The following TEX11 variants were observed in gnomAD, a reference collection of about 807,000 sequenced individuals.
TEX11 encodes the protein testis-expressed protein 11.
A neutral mutation model predicts 84.4 loss-of-function variants in TEX11; 7 were observed. The ratio of observed to expected loss-of-function variants is 0.08; its 90% confidence interval spans 0.05 to 0.16. The LOEUF (loss-of-function observed/expected upper bound fraction) is 0.16. Ranked by LOEUF, TEX11 falls within the 10% of genes least tolerant of loss-of-function variation. The pLI is 1.00. For synonymous variants in TEX11, 264 were observed against 222.8 expected (o/e 1.18, Z -1.64); for missense variants, 551 against 660.5 (o/e 0.83, Z 1.82).
downstream of TEX11, among the ~76,000 whole-genome samples, chrX:70,528,317 G>T (rs2087841849): frequency 9.0e-6 from 1 of 110,940 alleles, no homozygotes; most frequent in African/African-American, 3.3e-5. Context: ...CATGGGATAA[G>T]TTCCTTTTTT....
chrX:70,655,979 A>T (rs2089860758), intron 16 of TEX11, among the ~76,000 whole-genome samples: 1 of 111,586 alleles, frequency 9.0e-6, no homozygotes, highest in Non-Finnish European at 1.9e-5. Flanking sequence ...ACAAAATAAG[A>T]CAAGAAATAT....
At chrX:70,629,987 A>T (rs1196236709) in intron 17 of TEX11, among the ~76,000 whole-genome samples, 2 of 112,201 alleles carry the variant, frequency 1.8e-5, no homozygotes, top group Non-Finnish European at 3.8e-5. Flanking sequence ...AAACAAATAC[A>T]CATAAGGATG....
intron 25 of TEX11, among the ~76,000 whole-genome samples, chrX:70,577,297 T>C (rs776262577): frequency 9.0e-6 from 1 of 111,647 alleles, no homozygotes; most frequent in South Asian, 3.7e-4. Flanking sequence ...AGATGGAGAA[T>C]TCTTACCAGA....
intron 2 of TEX11, 82 bp downstream of exon 2, chrX:70,907,671 C>G: frequency 1.3e-6 from 1 of 773,839 alleles, no homozygotes; most frequent in Non-Finnish European, 2.0e-6. Context: ...AGATTACAGG[C>G]GTGAGCCACC....
chrX:70,660,105 T>C (rs1054977348), intron 16 of TEX11, among the ~76,000 whole-genome samples: 1 of 111,649 alleles, frequency 9.0e-6, no homozygotes, highest in Admixed American at 9.5e-5. Context: ...ACAGTAAATA[T>C]AGGGTATAAA....
intron 15 of TEX11, chrX:70,673,461 T>C (rs1222713095): frequency 8.9e-6 from 1 of 111,942 alleles, no homozygotes; most frequent in Non-Finnish European, 1.9e-5. Flanking sequence ...TTAACATCCT[T>C]GTCTTTAGTC....
intron 9 of TEX11, among the ~76,000 whole-genome samples, chrX:70,792,160 C>T (rs1183525038): frequency 5.2e-5 from 5 of 95,419 alleles, no homozygotes; most frequent in East Asian, 3.3e-4. Context: ...GCATGGTACA[C>T]GCCTGTAGTT....
intron 21 of TEX11, among the ~76,000 whole-genome samples, chrX:70,609,811 T>C (rs1027578756): frequency 2.7e-5 from 3 of 110,879 alleles, no homozygotes; most frequent in Non-Finnish European, 5.7e-5. Context: ...AAGAGGTACA[T>C]GGACAGTAAA....
At chrX:70,707,421 C>T (rs2090386389) in intron 13 of TEX11, among the ~76,000 whole-genome samples, 1 of 110,954 alleles carries the variant, frequency 9.0e-6, no homozygotes, top group African/African-American at 3.3e-5. Context: ...TGTCCCCACA[C>T]CTGCCTTGTG....
intron 9 of TEX11, among the ~76,000 whole-genome samples, chrX:70,783,591 A>G (rs1237743759): frequency 1.8e-5 from 2 of 111,938 alleles, no homozygotes; most frequent in Non-Finnish European, 3.8e-5. Flanking sequence ...AGACTAACAA[A>G]GAAGAAAAGA....
chrX:70,609,030 T>C lies in TEX11; in HGVS notation c.1879+61A>G, dbSNP rs1052888251. ...CAAATGAAAGATCCAGAATTTGAAA[T>C]CACATCTGTCTAATTCCACCACCCC... On this transcript the variant is annotated intron_variant, in intron 22 of 29. Transcript: ENST00000374333. 12 of 925,666 alleles carry C rather than the reference T, an allele frequency of 1.3e-5. No homozygotes were observed. In the African/African-American group the frequency reaches 2.0e-4, roughly 15 times the overall value. 76.3% of individuals were successfully genotyped at this position (925,666 alleles called of 1,213,427 possible).
At chrX:70,867,739 G>A (rs1265448336) in intron 4 of TEX11, among the ~76,000 whole-genome samples, 4 of 110,475 alleles carry the variant, frequency 3.6e-5, no homozygotes, top group East Asian at 5.7e-4. Context: ...ACAACCATTC[G>A]ATCTTCAACA....
At chrX:70,904,343 T>A (rs924178604) in intron 2 of TEX11, among the ~76,000 whole-genome samples, 2 of 111,117 alleles carry the variant, frequency 1.8e-5, no homozygotes, top group Admixed American at 9.7e-5. Flanking sequence ...ATCAGGAAAA[T>A]ATAAGTCAAA....
chrX:70,815,355 GTTAATACAT>G (rs2091280248), intron 8 of TEX11, among the ~76,000 whole-genome samples: 1 of 111,377 alleles, frequency 9.0e-6, no homozygotes, highest in Non-Finnish European at 1.9e-5. Context: ...AGTTATTCCA[GTTAATACAT>G]TTATTACTAT....
intron 11 of TEX11, among the ~76,000 whole-genome samples, chrX:70,727,461 C>A (rs190795220): frequency 2.8e-4 from 31 of 112,020 alleles, no homozygotes; most frequent in African/African-American, 8.1e-4. Flanking sequence ...ATTATTGCCA[C>A]ATAAAAAGCC....
At chrX:70,636,254 C>G (rs1399368511) in intron 17 of TEX11, among the ~76,000 whole-genome samples, 1 of 110,967 alleles carries the variant, frequency 9.0e-6, no homozygotes, top group Non-Finnish European at 1.9e-5. Flanking sequence ...CCAACAATCC[C>G]AGGCTTCAAG....
At chrX:70,810,998 C>T (rs372424953) in intron 8 of TEX11, among the ~76,000 whole-genome samples, 17 of 111,362 alleles carry the variant, frequency 1.5e-4, no homozygotes, top group African/African-American at 4.2e-4. Context: ...CAGAACATGT[C>T]GTTACAAATA....
At chrX:70,589,509 T>C (rs1385340926) in intron 25 of TEX11, among the ~76,000 whole-genome samples, 1 of 111,323 alleles carries the variant, frequency 9.0e-6, no homozygotes, top group Non-Finnish European at 1.9e-5. Context: ...ACAGTTAGCA[T>C]TCTGACATAC....
intron 11 of TEX11, among the ~76,000 whole-genome samples, chrX:70,739,601 G>T (rs1212974111): frequency 9.1e-6 from 1 of 109,358 alleles, no homozygotes; most frequent in African/African-American, 3.3e-5. Context: ...TAGTAAAGAT[G>T]GGGTTTCACC....
Sources: gnomAD v4.1 joint callset for allele counts (sites outside exome capture counted in the v4.1 genomes callset) on GRCh38, gnomAD v4.1.1 for gene constraint, MANE v1.5 for transcripts, NCBI Gene and HGNC (gene_info 2026-07-23, HGNC 2026-07-21) for gene names.